The following ADGRL2 variants were observed in gnomAD, a reference collection of about 807,000 sequenced individuals.
ADGRL2 encodes adhesion G protein-coupled receptor L2, also known as calcium-independent alpha-latrotoxin receptor 2.
A neutral mutation model predicts 157.4 loss-of-function variants in ADGRL2; 44 were observed. The observed-to-expected ratio is 0.28, with a 90% CI of 0.22 to 0.36. The LOEUF (loss-of-function observed/expected upper bound fraction) is 0.36. Among genes scored for constraint, ADGRL2 ranks in the 10% least tolerant of loss-of-function variants. ADGRL2 has a pLI of 1.00. For missense variants in ADGRL2, 1,510 were observed against 1,768.9 expected (o/e 0.85, Z 2.63); for synonymous variants, 585 against 624.7 (o/e 0.94, Z 0.95).
chr1:81,712,746 G>A (rs986122150), intron 1 of ADGRL2, among the ~76,000 whole-genome samples: 1 of 146,844 alleles, frequency 6.8e-6, no homozygotes, highest in African/African-American at 2.5e-5. Flanking sequence ...CAATTTACCT[G>A]GATCGCGGAT....
chr1:81,871,127 T>C (rs1482736084), intron 2 of ADGRL2, among the ~76,000 whole-genome samples: 1 of 124,714 alleles, frequency 8.0e-6, no homozygotes, highest in Admixed American at 1.0e-4. Context: ...ATGTTCCCCA[T>C]CCTGTGTCCA....
At chr1:81,542,627 G>A (rs925437963) in intron 2 of ADGRL2, among the ~76,000 whole-genome samples, 2 of 152,122 alleles carry the variant, frequency 1.3e-5, no homozygotes, top group Non-Finnish European at 2.9e-5. Context: ...AATAACATTT[G>A]TATAACATTT....
At chr1:81,504,683 C>A (rs546810927) in intron 2 of ADGRL2, among the ~76,000 whole-genome samples, 6 of 152,108 alleles carry the variant, frequency 3.9e-5, no homozygotes, top group Admixed American at 6.5e-5. Flanking sequence ...GAGAGGCCCG[C>A]TCTCACACTG....
chr1:81,799,582 T>C (rs538345362), upstream of ADGRL2, among the ~76,000 whole-genome samples: 14 of 152,330 alleles, frequency 9.2e-5, no homozygotes, highest in South Asian at 6.2e-4. Context: ...AAAATACTGA[T>C]AGGTATTTAG....
At chr1:81,364,352 C>T (rs2076028064) in intron 1 of ADGRL2, among the ~76,000 whole-genome samples, 2 of 151,946 alleles carry the variant, frequency 1.3e-5, no homozygotes, top group South Asian at 4.1e-4. Flanking sequence ...AAAATTTCAA[C>T]CTATATAATC....
At chr1:81,459,269 G>C (rs893268064) in intron 2 of ADGRL2, among the ~76,000 whole-genome samples, 1 of 152,070 alleles carries the variant, frequency 6.6e-6, no homozygotes, top group African/African-American at 2.4e-5. Context: ...TTTCACCAGG[G>C]ACCCATCCCT....
intron 1 of ADGRL2, among the ~76,000 whole-genome samples, chr1:81,330,872 C>T (rs751248928): frequency 3.3e-5 from 5 of 152,122 alleles, no homozygotes; most frequent in Non-Finnish European, 7.4e-5. Context: ...GAACGTTGCT[C>T]AACGGATGTT....
chr1:81,606,758 G>A, intron 3 of ADGRL2, among the ~76,000 whole-genome samples: 1 of 151,402 alleles, frequency 6.6e-6, no homozygotes, highest in East Asian at 1.9e-4. Flanking sequence ...GTGTGTGTGT[G>A]TGTGTGTGTG....
At chr1:81,732,882 A>T (rs2084771769) in intron 1 of ADGRL2, among the ~76,000 whole-genome samples, 1 of 152,212 alleles carries the variant, frequency 6.6e-6, no homozygotes. Context: ...ACTTTAAAAA[A>T]AAGAAAGACC....
At chr1:81,695,978 T>C (rs2083435223), upstream of ADGRL2, among the ~76,000 whole-genome samples, 1 of 152,162 alleles carries the variant, frequency 6.6e-6, no homozygotes, top group South Asian at 2.1e-4. Flanking sequence ...ACAAATTGTT[T>C]GTAATTTATT....
At chr1:81,726,413 C>T (rs2084530980) in intron 1 of ADGRL2, among the ~76,000 whole-genome samples, 1 of 152,198 alleles carries the variant, frequency 6.6e-6, no homozygotes, top group Non-Finnish European at 1.5e-5. Context: ...ACAGTAACAA[C>T]TAGTCATGTG....
At chr1:81,859,581 A>AT (rs1002742589) in intron 2 of ADGRL2, among the ~76,000 whole-genome samples, 27 of 151,344 alleles carry the variant, frequency 1.8e-4, no homozygotes, top group Admixed American at 2.0e-4. Flanking sequence ...TAATTTTTGT[A>AT]TTTTTTTGTA....
At chr1:81,512,625 T>G (rs2079099889) in intron 2 of ADGRL2, among the ~76,000 whole-genome samples, 1 of 152,208 alleles carries the variant, frequency 6.6e-6, no homozygotes, top group African/African-American at 2.4e-5. Flanking sequence ...CCAATGTGAC[T>G]TTATTTTTCT....
intron 3 of ADGRL2, among the ~76,000 whole-genome samples, chr1:81,692,204 C>T (rs944600636): frequency 1.1e-4 from 17 of 151,892 alleles, no homozygotes; most frequent in African/African-American, 3.9e-4. Flanking sequence ...GTCAGGGGTT[C>T]GAGACCAGCC....
chr1:81,577,637 T>G (rs886203310), intron 2 of ADGRL2, among the ~76,000 whole-genome samples: 1 of 152,138 alleles, frequency 6.6e-6, no homozygotes, highest in African/African-American at 2.4e-5. Context: ...CAAATGTCAC[T>G]CACAGGATTA....
intron 18 of ADGRL2, 39 bp from the exon 19 acceptor site, chr1:81,981,769 T>C (rs1357186701): frequency 6.5e-7 from 1 of 1,549,340 alleles, no homozygotes; most frequent in African/African-American, 1.4e-5. Flanking sequence ...TGTTTTTTGC[T>C]CATTGAACCT....
upstream of ADGRL2, among the ~76,000 whole-genome samples, chr1:81,797,562 C>T (rs917372683): frequency 7.5e-4 from 114 of 152,130 alleles, 1 homozygote; most frequent in Admixed American, 3.3e-4. Flanking sequence ...TATTGGCTTA[C>T]ACTAATCACA....
intron 1 of ADGRL2, among the ~76,000 whole-genome samples, chr1:81,322,113 C>CACACATATAT (rs1553153271): frequency 2.7e-5 from 3 of 112,128 alleles, no homozygotes; most frequent in Non-Finnish European, 5.5e-5. Context: ...TATATATACA[C>CACACATATAT]ATATATATAT....
chr1:81,663,447 C>T (rs1310114585), intron 3 of ADGRL2, among the ~76,000 whole-genome samples: 1 of 152,096 alleles, frequency 6.6e-6, no homozygotes, highest in Non-Finnish European at 1.5e-5. Context: ...TTGTATGACT[C>T]TCGGGAATGC....
Sources: gnomAD v4.1 joint callset for allele counts (sites outside exome capture counted in the v4.1 genomes callset) on GRCh38, gnomAD v4.1.1 for gene constraint, MANE v1.5 for transcripts, NCBI Gene and HGNC (gene_info 2026-07-23, HGNC 2026-07-21) for gene names.